ZFHX3: variants seen among roughly 807,000 people sequenced by gnomAD.
ZFHX3 encodes zinc finger homeobox protein 3.
In ZFHX3, 42 loss-of-function variants were observed where a neutral mutation model predicts 279.1. That is an observed-to-expected ratio of 0.15 (90% CI 0.12 to 0.19). The LOEUF (loss-of-function observed/expected upper bound fraction) is 0.19, where lower values mean the gene tolerates loss of function less well. ZFHX3 is among the 10% of genes least tolerant of loss of function. ZFHX3 has a pLI of 1.00. For synonymous variants in ZFHX3, 2,293 were observed against 1,957.8 expected, an observed-to-expected ratio of 1.17 and a Z score of -4.52; for missense variants, 4,981 against 4,754.0, an observed-to-expected ratio of 1.05 and a Z score of -1.40.
At chr16:73,508,415 G>C (rs1446220639) in intron 2 of ZFHX3, among the ~76,000 whole-genome samples, 1 of 152,178 alleles carries the variant, frequency 6.6e-6, no homozygotes, top group Non-Finnish European at 1.5e-5. Flanking sequence ...CAATAAGCAT[G>C]TTCCAGAAAA....
intron 5 of ZFHX3, among the ~76,000 whole-genome samples, chr16:73,235,873 G>C (rs768143535): frequency 6.6e-6 from 1 of 152,026 alleles, no homozygotes; most frequent in African/African-American, 2.4e-5. Context: ...GTTTCACCAT[G>C]TTGCCCAGGC....
intron 5 of ZFHX3, among the ~76,000 whole-genome samples, chr16:72,820,866 G>T (rs976434692): frequency 6.6e-6 from 1 of 152,154 alleles, no homozygotes; most frequent in African/African-American, 2.4e-5. Context: ...ATCAAAACCA[G>T]TCGCATGCGA....
chr16:73,174,299 CAACAACAACAAA>C lies in ZFHX3; in HGVS notation c.-1103-30480_-1103-30469del, dbSNP rs1203428125. On this transcript the variant is annotated intron_variant, in intron 5 of 17. Transcript: ENST00000641206. ...ACAACAACAACAACAACAACAACAA[CAACAACAACAAA>C]AGGAGGAATAAGGGCTGCCAAACCG... Among the ~76,000 whole-genome samples, 517 of 126,910 alleles carry C rather than the reference CAACAACAACAAA, an allele frequency of 4.1e-3. 5 individuals are homozygous for C. The highest frequency in any genetic ancestry group is 0.014 in the African/African-American group (477 of 34,194). 83.3% of individuals were successfully genotyped at this position (126,910 alleles called of 152,430 possible).
chr16:73,638,982 C>A (rs932430043), intron 2 of ZFHX3, among the ~76,000 whole-genome samples: 4 of 152,004 alleles, frequency 2.6e-5, no homozygotes, highest in South Asian at 2.1e-4. Context: ...AAAAGAAAAA[C>A]AAAGGAAGAG....
At chr16:73,613,222 G>A (rs569794163) in intron 2 of ZFHX3, among the ~76,000 whole-genome samples, 5 of 152,130 alleles carry the variant, frequency 3.3e-5, no homozygotes, top group Non-Finnish European at 7.4e-5. Flanking sequence ...ACCTGGACCC[G>A]CCAGAGCTGC....
In ZFHX3 at chr16:73,832,433, T is replaced by C. The variant is rs1223337529; in HGVS notation, c.-1608+59218A>G. ...AAGACCCGTTCCTTAAGACTAGGGA[T>C]AGAAGACTGAAAAAAGCATAAGACA... On this transcript the variant is annotated intron_variant, in intron 1 of 17. Transcript: ENST00000641206. 2.6e-5 allele frequency among the ~76,000 whole-genome samples: 4 copies of C among 152,200 alleles called. No homozygotes were observed. The East Asian group carries it at 7.7e-4, about 29-fold the overall frequency.
chr16:73,526,892 C>T (rs1026881102), intron 2 of ZFHX3, among the ~76,000 whole-genome samples: 4 of 151,420 alleles, frequency 2.6e-5, no homozygotes, highest in African/African-American at 7.3e-5. Flanking sequence ...ATCTAGTATT[C>T]GGTACCTCTT....
At chr16:73,311,708 A>C (rs989764251) in intron 4 of ZFHX3, among the ~76,000 whole-genome samples, 2 of 152,116 alleles carry the variant, frequency 1.3e-5, no homozygotes, top group African/African-American at 4.8e-5. Context: ...GAAATACGAT[A>C]AGCATGAATT....
intron 1 of ZFHX3, among the ~76,000 whole-genome samples, chr16:73,726,671 G>A (rs1177405259): frequency 6.6e-6 from 1 of 152,144 alleles, no homozygotes; most frequent in East Asian, 1.9e-4. Context: ...GGCAAAGCAG[G>A]AGCTGGCCCA....
rs184165765 is a variant in ZFHX3 at position 73,460,117 on chromosome 16, C to T, written c.-1546-3859G>A. 3.4e-4 allele frequency among the ~76,000 whole-genome samples: 52 copies of T among 152,328 alleles called. 2 individuals carry two copies. The highest frequency in any genetic ancestry group is 4.1e-4 in the Non-Finnish European group (28 of 68,040). ...TCCTTTGGGCCACACCCCCTTCCCT[C>T]CCATTCCCACTCTCTCCTTAACCCT... is the stretch of plus-strand genomic sequence containing the variant. On this transcript the variant is annotated intron_variant, in intron 2 of 17. Coordinates refer to the ZFHX3 transcript ENST00000641206.
At position 73,188,113 on chromosome 16, in the gene ZFHX3, G is replaced by A. The variant is rs558940194; in HGVS notation, c.-1103-44282C>T. On this transcript the variant is annotated intron_variant, in intron 5 of 17. Transcript: ENST00000641206. ...CCTGACCTTGTGATCCGCCTGCCTC[G>A]GCCTCCCAAAGTGCAGGGATTACAG... Among the ~76,000 whole-genome samples the A allele has an allele frequency of 1.9e-3, 287 of 152,230 alleles. 1 individual carries two copies. The highest frequency in any genetic ancestry group is 6.6e-3 in the African/African-American group (275 of 41,536).
At chr16:73,866,639 G>C (rs1425092242) in intron 1 of ZFHX3, among the ~76,000 whole-genome samples, 2 of 152,294 alleles carry the variant, frequency 1.3e-5, no homozygotes, top group East Asian at 3.9e-4. Context: ...GTATTTATCT[G>C]TCCGGAATAG....
chr16:73,748,341 A>G (rs1013781357), intron 1 of ZFHX3, among the ~76,000 whole-genome samples: 4 of 152,328 alleles, frequency 2.6e-5, no homozygotes, highest in African/African-American at 9.6e-5. Flanking sequence ...ATAAACTTCT[A>G]TTAAATCTTT....
chr16:73,428,035 A>G (rs987690836), intron 3 of ZFHX3, among the ~76,000 whole-genome samples: 3 of 152,144 alleles, frequency 2.0e-5, no homozygotes, highest in African/African-American at 4.8e-5. Flanking sequence ...ACACACATGC[A>G]TGCACACACG....
At chr16:73,303,811 C>A (rs564344794) in intron 4 of ZFHX3, among the ~76,000 whole-genome samples, 46 of 152,072 alleles carry the variant, frequency 3.0e-4, no homozygotes, top group Non-Finnish European at 5.7e-4. Context: ...AAGCCACCAA[C>A]AGGAGGCCAC....
intron 1 of ZFHX3, among the ~76,000 whole-genome samples, chr16:73,728,147 C>T (rs921354719): frequency 1.3e-5 from 2 of 151,276 alleles, no homozygotes; most frequent in African/African-American, 4.9e-5. Context: ...GGACTTAATT[C>T]CAATCTGACT....
At chr16:72,904,182 A>G (rs1045013182) in intron 3 of ZFHX3, among the ~76,000 whole-genome samples, 2 of 152,172 alleles carry the variant, frequency 1.3e-5, no homozygotes, top group East Asian at 1.9e-4. Context: ...CTTGGCCAAC[A>G]TGGCAAAACC....
chr16:72,804,075 A>G lies in ZFHX3; in HGVS notation c.3865-3946T>C, dbSNP rs866603346. Among the ~76,000 whole-genome samples, 12 of 152,386 alleles carry G rather than the reference A, an allele frequency of 7.9e-5. No individual in the cohort carries two copies. The East Asian group carries it at 9.6e-4, about 12-fold the overall frequency. ...ATTCCTAACAAACAGGTTTTCATGCATAACAAAAGAAATGTAGAGTTCTAC... is the reference window on the plus strand; with the variant it reads ...ATTCCTAACAAACAGGTTTTCATGCGTAACAAAAGAAATGTAGAGTTCTAC... On this transcript the variant is annotated intron_variant, in intron 7 of 9. Transcript: ENST00000268489.
intron 3 of ZFHX3, among the ~76,000 whole-genome samples, chr16:72,893,163 GT>G (rs2038815068): frequency 6.6e-6 from 1 of 152,180 alleles, no homozygotes; most frequent in Non-Finnish European, 1.5e-5. Flanking sequence ...CTAAAACTGA[GT>G]GAATAAAAGA....
Sources: allele counts gnomAD v4.1 joint callset (sites outside exome capture counted in the v4.1 genomes callset), GRCh38; gene constraint gnomAD v4.1.1; transcripts MANE v1.5; gene names NCBI Gene and HGNC (gene_info 2026-07-23, HGNC 2026-07-21).